The following EPC1 variants were observed in gnomAD, a reference collection of about 807,000 sequenced individuals.
The protein encoded by EPC1 is enhancer of polycomb 1.
Under a neutral mutation model 98.4 loss-of-function variants are expected in EPC1, and 12 were observed. The observed-to-expected ratio is 0.12, with a 90% CI of 0.08 to 0.20. The LOEUF is 0.20. EPC1 is among the 10% of genes least tolerant of loss of function. EPC1 has a pLI of 1.00. For missense variants in EPC1, 729 were observed against 990.5 expected, an observed-to-expected ratio of 0.74 and a Z score of 3.54; for synonymous variants, 357 against 363.9, an observed-to-expected ratio of 0.98 and a Z score of 0.21.
At chr10:32,370,463 A>G (rs1839715596) in intron 1 of EPC1, among the ~76,000 whole-genome samples, 1 of 152,156 alleles carries the variant, frequency 6.6e-6, no homozygotes. Flanking sequence ...AACTTTTGGG[A>G]AATATTTATT....
intron 1 of EPC1, among the ~76,000 whole-genome samples, chr10:32,344,504 G>A (rs1838617060): frequency 6.6e-6 from 1 of 152,160 alleles, no homozygotes; most frequent in South Asian, 2.1e-4. Context: ...TGTCAAAATT[G>A]GCCGGGCGCG....
In EPC1 at chr10:32,267,874, C is replaced by G. The variant is rs970080334; in HGVS notation, c.*1189G>C. 2.0e-5 allele frequency: 3 copies of G among 152,166 alleles called. No homozygotes were observed. In the East Asian group the frequency reaches 5.8e-4, roughly 29 times the overall value. The allele number at this position is 152,166 out of a possible 1,614,324, so 9.4% of individuals were successfully genotyped here. ...TGGACTGGGCATTCAGACTTCGGTA[C>G]TGACAAAGCACTAGTAGTAGTCTGT... On this transcript the variant is annotated 3_prime_UTR_variant, in exon 14 of 14. Transcript: ENST00000319778.
At chr10:32,285,703 C>A (rs1257120247) in intron 9 of EPC1, 1 of 152,272 alleles carries the variant, frequency 6.6e-6, no homozygotes, top group Admixed American at 6.5e-5. Flanking sequence ...GTCTCAAACT[C>A]TTGACCTCAA....
At chr10:32,300,030 A>AT (rs9336622) in intron 2 of EPC1, among the ~76,000 whole-genome samples, 2 of 151,874 alleles carry the variant, frequency 1.3e-5, no homozygotes, top group Non-Finnish European at 2.9e-5. Flanking sequence ...CTCCTGCCTC[A>AT]CCTCCTGAGT....
chr10:32,334,750 A>G (rs1383686959), intron 1 of EPC1, among the ~76,000 whole-genome samples: 1 of 152,142 alleles, frequency 6.6e-6, no homozygotes, highest in Non-Finnish European at 1.5e-5. Flanking sequence ...ATCCTGTGAG[A>G]CTGTGTTTTG....
chr10:32,277,966 G>A (rs1037401496), intron 10 of EPC1, among the ~76,000 whole-genome samples: 6 of 152,142 alleles, frequency 3.9e-5, no homozygotes. Flanking sequence ...TCTGTGCACT[G>A]CACTCTTATA....
intron 1 of EPC1, among the ~76,000 whole-genome samples, chr10:32,308,688 T>C (rs1189099276): frequency 2.0e-5 from 3 of 152,170 alleles, no homozygotes; most frequent in African/African-American, 7.2e-5. Context: ...GGTGAGAATG[T>C]AAATTAGTAC....
chr10:32,280,081 G>A (rs2132671664), intron 10 of EPC1, among the ~76,000 whole-genome samples: 2 of 152,258 alleles, frequency 1.3e-5, no homozygotes, highest in Middle Eastern at 6.8e-3. Flanking sequence ...GAGTGGGAAG[G>A]AAAGTAAAAA....
intron 1 of EPC1, among the ~76,000 whole-genome samples, chr10:32,328,328 C>T (rs953552984): frequency 6.6e-6 from 1 of 152,082 alleles, no homozygotes; most frequent in Non-Finnish European, 1.5e-5. Context: ...AACAGGTTAC[C>T]GGTAGCAGCG....
intron 1 of EPC1, among the ~76,000 whole-genome samples, chr10:32,374,819 T>C (rs1394221718): frequency 6.6e-6 from 1 of 152,114 alleles, no homozygotes. Context: ...TATTGCATCA[T>C]AGCATCTTAT....
intron 10 of EPC1, chr10:32,283,968 G>A (rs1383039388): frequency 6.6e-6 from 1 of 152,144 alleles, no homozygotes; most frequent in Non-Finnish European, 1.5e-5. Context: ...TAACCCTACA[G>A]GGTGAATTAG....
chr10:32,320,014 G>A (rs1836798993), intron 1 of EPC1, among the ~76,000 whole-genome samples: 2 of 152,126 alleles, frequency 1.3e-5, no homozygotes, highest in Admixed American at 6.5e-5. Flanking sequence ...AAAGTGCCAC[G>A]ATGTAGGCAA....
intron 1 of EPC1, among the ~76,000 whole-genome samples, chr10:32,360,637 T>C (rs1839416270): frequency 6.6e-6 from 1 of 152,202 alleles, no homozygotes; most frequent in Non-Finnish European, 1.5e-5. Context: ...TTCATGCCTG[T>C]AATCCCTGCA....
chr10:32,288,860 C>A (rs17583944), intron 6 of EPC1, among the ~76,000 whole-genome samples: 23,672 of 151,822 alleles, frequency 0.16, 2,098 homozygotes, highest in South Asian at 0.32. Context: ...GAGGCCAAGG[C>A]GGGAGGATCA....
At chr10:32,319,899 G>A (rs563308695) in intron 1 of EPC1, among the ~76,000 whole-genome samples, 4 of 152,024 alleles carry the variant, frequency 2.6e-5, no homozygotes, top group South Asian at 2.1e-4. Flanking sequence ...GGCTGGTCTC[G>A]AACTCCTGAC....
chr10:32,354,072 C>T (rs1839201303), intron 1 of EPC1, among the ~76,000 whole-genome samples: 1 of 152,044 alleles, frequency 6.6e-6, no homozygotes, highest in Non-Finnish European at 1.5e-5. Flanking sequence ...GTAATTTGTG[C>T]ATGGAGGTCT....
chr10:32,292,630 A>G lies in EPC1; in HGVS notation c.681T>C (p.Asp227=). The G allele has an allele frequency of 6.2e-7, 1 of 1,604,646 alleles. No homozygotes were observed. ...KMQTRKNRKN[D]EASYEKMLKL... is the part of the protein sequence containing the mutation. Reference sequence around the variant, plus strand: ...TAAGCATTTTTTCGTAAGAGGCTTCATCATTTTTGCGATTCTGCAAATGTG... The same window carrying G: ...TAAGCATTTTTTCGTAAGAGGCTTCGTCATTTTTGCGATTCTGCAAATGTG... The change falls in exon 5 of 14, where the codon GAT becomes GAC. Residue 227 remains aspartate, a synonymous_variant. Coordinates refer to ENST00000319778, the MANE Select transcript of EPC1 (RefSeq NM_001272004.3).
In EPC1 at chr10:32,293,783, G is replaced by A. The variant is rs184380796; in HGVS notation, c.314-46C>T. 7.5e-5 allele frequency: 115 copies of A among 1,533,154 alleles called. No individual in the cohort carries two copies. The African/African-American group carries it at 8.9e-4, about 12-fold the overall frequency. The allele number at this position is 1,533,154 out of a possible 1,614,324, so 95.0% of individuals were successfully genotyped here. On this transcript the variant is annotated intron_variant, in intron 2 of 13. Transcript: ENST00000319778. ...CAATCATTTACTGTGTGAATTCACCGACAAAAACTCCACAGATGTCTGCAT... is the reference window on the plus strand; with the variant it reads ...CAATCATTTACTGTGTGAATTCACCAACAAAAACTCCACAGATGTCTGCAT...
At chr10:32,273,113 C>T (rs1835917846) in intron 11 of EPC1, 50 bp downstream of exon 11, 1 of 1,613,966 alleles carries the variant, frequency 6.2e-7, no homozygotes, top group African/African-American at 1.3e-5. Context: ...TAGAGATGAA[C>T]TCTGGTGGGA....
Sources: gnomAD v4.1 joint callset for allele counts (sites outside exome capture counted in the v4.1 genomes callset) on GRCh38, gnomAD v4.1.1 for gene constraint, MANE v1.5 for transcripts, NCBI Gene and HGNC (gene_info 2026-07-23, HGNC 2026-07-21) for gene names.